The following BAZ2B variants were observed in gnomAD, a reference collection of about 807,000 sequenced individuals.
BAZ2B encodes the protein bromodomain adjacent to zinc finger domain protein 2B.
BAZ2B carries 91 observed loss-of-function variants against 246.0 expected under a neutral mutation model. That is an observed-to-expected ratio of 0.37 (90% CI 0.31 to 0.44). The LOEUF (loss-of-function observed/expected upper bound fraction) is 0.44, where lower values mean the gene tolerates loss of function less well. Ranked by LOEUF, BAZ2B falls within the 20% of genes least tolerant of loss-of-function variation. BAZ2B has a pLI of 1.00. For synonymous variants in BAZ2B, 855 were observed against 860.0 expected, an observed-to-expected ratio of 0.99 and a Z score of 0.10; for missense variants, 2,332 against 2,533.7, an observed-to-expected ratio of 0.92 and a Z score of 1.71.
chr2:159,605,947 T>C (rs1693384849), intron 1 of BAZ2B, among the ~76,000 whole-genome samples: 1 of 152,220 alleles, frequency 6.6e-6, no homozygotes, highest in South Asian at 2.1e-4. Flanking sequence ...TATCTAACTG[T>C]CTAAAGTTAT....
intron 1 of BAZ2B, among the ~76,000 whole-genome samples, chr2:159,563,481 T>C (rs142487500): frequency 1.4e-3 from 219 of 152,244 alleles, no homozygotes; most frequent in African/African-American, 5.0e-3. Flanking sequence ...TTATAGTACT[T>C]GGTGAAAAAA....
chr2:159,676,952 TTATATATATATATATATATATATATA>T, the BAZ2B span, among the ~76,000 whole-genome samples: 22 of 117,818 alleles, frequency 1.9e-4, 1 homozygote, highest in South Asian at 3.6e-3. Context: ...AATAGTTTTG[TTATATATATATATATATATATATATA>T]TATATATATA....
At chr2:159,489,466 G>A (rs1056404375) in intron 2 of BAZ2B, among the ~76,000 whole-genome samples, 2 of 152,124 alleles carry the variant, frequency 1.3e-5, no homozygotes, top group African/African-American at 4.8e-5. Context: ...AGAATCTTAG[G>A]GGAGGAAAAA....
intron 13 of BAZ2B, among the ~76,000 whole-genome samples, chr2:159,427,012 A>G (rs2070050161): frequency 6.6e-6 from 1 of 152,170 alleles, no homozygotes; most frequent in Non-Finnish European, 1.5e-5. Context: ...CTTTTGAAAC[A>G]TTTTTATGCA....
intron 2 of BAZ2B, among the ~76,000 whole-genome samples, chr2:159,554,206 T>G (rs958663338): frequency 1.3e-5 from 2 of 152,160 alleles, no homozygotes; most frequent in Admixed American, 1.3e-4. Context: ...TTAATTACTC[T>G]CTTAATGTTA....
At chr2:159,540,319 C>T (rs1323832484) in intron 2 of BAZ2B, among the ~76,000 whole-genome samples, 3 of 152,190 alleles carry the variant, frequency 2.0e-5, no homozygotes, top group Non-Finnish European at 4.4e-5. Flanking sequence ...GACCAAACAA[C>T]TTTCCATCTG....
At chr2:159,376,740 A>C (rs2061448843) in intron 25 of BAZ2B, among the ~76,000 whole-genome samples, 1 of 152,250 alleles carries the variant, frequency 6.6e-6, no homozygotes, top group African/African-American at 2.4e-5. Flanking sequence ...TATCAGCCAA[A>C]TATTCTAACT....
intron 2 of BAZ2B, among the ~76,000 whole-genome samples, chr2:159,501,772 G>A (rs1478710324): frequency 6.6e-6 from 1 of 152,140 alleles, no homozygotes; most frequent in Non-Finnish European, 1.5e-5. Flanking sequence ...AACATTAAGA[G>A]TTACTGTATG....
rs370610593 is a variant in BAZ2B at position 159,388,354 on chromosome 2, G to T, written c.3216+991C>A. The stretch of plus-strand genomic sequence containing the variant: ...TATATGAAATTATGCTGGTTGCCAA[G>T]ATTACAGCAATGTTTCTAAATTTAT... On this transcript the variant is annotated intron_variant, in intron 21 of 36. Coordinates refer to ENST00000392783, the MANE Select transcript of BAZ2B (RefSeq NM_013450.4). Among the ~76,000 whole-genome samples the T allele has an allele frequency of 3.9e-5, 6 of 152,196 alleles. No homozygotes were observed. The East Asian group carries it at 7.7e-4, about 20-fold the overall frequency.
chr2:159,587,036 T>G (rs1160326650), intron 1 of BAZ2B, among the ~76,000 whole-genome samples: 1 of 151,642 alleles, frequency 6.6e-6, no homozygotes, highest in Non-Finnish European at 1.5e-5. Flanking sequence ...CAACTTAATG[T>G]AAAAATGGGA....
At chr2:159,671,689 T>G in the BAZ2B span, among the ~76,000 whole-genome samples, 1 of 152,172 alleles carries the variant, frequency 6.6e-6, no homozygotes, top group Admixed American at 6.5e-5. Flanking sequence ...AGTTTATGTA[T>G]TCTTAGTAAA....
At chr2:159,380,940 T>C (rs2149489402) in intron 25 of BAZ2B, among the ~76,000 whole-genome samples, 1 of 152,312 alleles carries the variant, frequency 6.6e-6, no homozygotes, top group East Asian at 1.9e-4. Context: ...AGTAATTCAT[T>C]GCTATAAGCA....
At chr2:159,588,812 G>A (rs1307757541) in intron 1 of BAZ2B, among the ~76,000 whole-genome samples, 2 of 152,074 alleles carry the variant, frequency 1.3e-5, no homozygotes, top group Non-Finnish European at 2.9e-5. Flanking sequence ...TGCTCGCCAT[G>A]CATCTCTAAA....
intron 27 of BAZ2B, among the ~76,000 whole-genome samples, chr2:159,353,493 C>T (rs1369739853): frequency 6.6e-6 from 1 of 152,182 alleles, no homozygotes; most frequent in African/African-American, 2.4e-5. Context: ...TGAGAAGATG[C>T]AACTGAAAGC....
intron 20 of BAZ2B, among the ~76,000 whole-genome samples, chr2:159,395,165 C>T (rs1437703507): frequency 6.6e-6 from 1 of 152,110 alleles, no homozygotes; most frequent in Non-Finnish European, 1.5e-5. Context: ...CTGTGTCTTT[C>T]AACCTCCAAA....
chr2:159,684,209 C>G, the BAZ2B span, among the ~76,000 whole-genome samples: 1 of 152,196 alleles, frequency 6.6e-6, no homozygotes. Context: ...TTTAACCATT[C>G]AAAAGCTGAC....
intron 1 of BAZ2B, among the ~76,000 whole-genome samples, chr2:159,596,344 AT>A (rs1202230920): frequency 6.6e-6 from 1 of 152,206 alleles, no homozygotes; most frequent in Non-Finnish European, 1.5e-5. Flanking sequence ...AAATTTTAGT[AT>A]TTTTATAAAA....
At chr2:159,629,559 C>G in the BAZ2B span, among the ~76,000 whole-genome samples, 6 of 151,780 alleles carry the variant, frequency 4.0e-5, no homozygotes, top group African/African-American at 1.5e-4. Context: ...TCATTCTCAG[C>G]AAACTAACAC....
Position 159,349,043 on chromosome 2 carries a change from GTTT to G in BAZ2B, c.5098_5100del (p.Lys1700del). 1 of 1,614,090 alleles carries G rather than the reference GTTT, an allele frequency of 6.2e-7. No homozygotes were observed. Among genetic ancestry groups the G allele is most frequent in the Non-Finnish European group, 8.5e-7 (1 of 1,179,978 alleles). On this transcript the variant is annotated inframe_deletion, in exon 29 of 37. Coordinates refer to ENST00000392783, the MANE Select transcript of BAZ2B (RefSeq NM_013450.4). ...GGTTTTGGACTAGGAAAATCTACTG[GTTT>G]TGCTACTTCAACAGCTGCAGGTTGA...
Sources: allele counts gnomAD v4.1 joint callset (sites outside exome capture counted in the v4.1 genomes callset), GRCh38; gene constraint gnomAD v4.1.1; transcripts MANE v1.5; gene names NCBI Gene and HGNC (gene_info 2026-07-23, HGNC 2026-07-21).